IL18R1: variants seen among roughly 807,000 people sequenced by gnomAD.
IL18R1 encodes interleukin-18 receptor 1.
A neutral mutation model predicts 48.5 loss-of-function variants in IL18R1; 40 were observed. The observed-to-expected ratio is 0.82, with a 90% confidence interval of 0.64 to 1.07. IL18R1 has a LOEUF of 1.07. Ranked by LOEUF, IL18R1 falls within the 50% of genes least tolerant of loss-of-function variation. The probability of loss-of-function intolerance (pLI) is 0.00; values close to 1 mark genes in which losing one functional copy is unlikely to be tolerated. For missense variants in IL18R1, 596 were observed against 633.7 expected (o/e 0.94, Z 0.64); for synonymous variants, 232 against 225.9 (o/e 1.03, Z -0.24).
chr2:102,367,936 A>G lies in IL18R1; in HGVS notation c.170A>G (p.Tyr57Cys). Residue 57 changes from tyrosine to cysteine, a missense_variant, in exon 3 of 11, where the codon TAC becomes TGC. Around this residue, in one of 3 missense-constraint regions of IL18R1, gnomAD observed 360 missense variants for 339.4 expected, o/e 1.06. Coordinates refer to ENST00000233957, the MANE Select transcript of IL18R1 (RefSeq NM_003855.5). ...HEIETTTKSW[Y>C]KSSGSQEHVE... ...ATTGAAACAACCACCAAAAGCTGGT[A>G]CAAAAGCAGTGGATCACAGGAACAT... The G allele has an allele frequency of 1.2e-6, 2 of 1,614,258 alleles. No homozygotes were observed. Among genetic ancestry groups the G allele is most frequent in the Non-Finnish European group, 1.7e-6 (2 of 1,180,046 alleles).
intron 9 of IL18R1, among the ~76,000 whole-genome samples, chr2:102,393,333 T>A (rs1680649562): frequency 6.6e-6 from 1 of 152,250 alleles, no homozygotes; most frequent in Non-Finnish European, 1.5e-5. Context: ...TTGATATTTA[T>A]GTAAGCCTGA....
intron 1 of IL18R1, among the ~76,000 whole-genome samples, chr2:102,361,882 CAGATCTT>C (rs1034026726): frequency 5.3e-5 from 8 of 152,182 alleles, no homozygotes; most frequent in Non-Finnish European, 1.2e-4. Flanking sequence ...AAGTTCAATG[CAGATCTT>C]AGTTCCACTG....
At chr2:102,359,424 T>C (rs113106589) in intron 1 of IL18R1, among the ~76,000 whole-genome samples, 10 of 152,240 alleles carry the variant, frequency 6.6e-5, no homozygotes, top group African/African-American at 2.4e-4. Flanking sequence ...TACATCAATA[T>C]AAAATTTGTC....
chr2:102,363,544 C>A (rs746488417), intron 2 of IL18R1, among the ~76,000 whole-genome samples: 1 of 152,090 alleles, frequency 6.6e-6, no homozygotes, highest in Non-Finnish European at 1.5e-5. Context: ...ATGTAATGAT[C>A]TGTCAAACAA....
chr2:102,378,830 T>C (rs952740513), intron 5 of IL18R1, among the ~76,000 whole-genome samples: 1 of 152,232 alleles, frequency 6.6e-6, no homozygotes, highest in Non-Finnish European at 1.5e-5. Context: ...ATCCTGGCTA[T>C]TTTTCTTTGG....
chr2:102,377,470 A>T (rs912425100), intron 5 of IL18R1, among the ~76,000 whole-genome samples: 1 of 151,320 alleles, frequency 6.6e-6, no homozygotes, highest in Non-Finnish European at 1.5e-5. Context: ...ACCCGCCACC[A>T]CTCCCGGCTA....
At chr2:102,363,014 C>A in intron 2 of IL18R1, 8 of 212,808 alleles carry the variant, frequency 3.8e-5, no homozygotes, top group Non-Finnish European at 4.6e-5. Flanking sequence ...GAGAGGGAGG[C>A]AAAGATTCAT....
chr2:102,391,786 T>G (rs1435589501), intron 9 of IL18R1, among the ~76,000 whole-genome samples: 1 of 152,248 alleles, frequency 6.6e-6, no homozygotes, highest in African/African-American at 2.4e-5. Flanking sequence ...GACATTTTAA[T>G]TTGCATTTCC....
chr2:102,369,038 T>C (rs1162455626), intron 3 of IL18R1, among the ~76,000 whole-genome samples: 1 of 152,190 alleles, frequency 6.6e-6, no homozygotes. Flanking sequence ...AAAAATTAAA[T>C]AACTCTTTTG....
In IL18R1 at chr2:102,367,837, C is replaced by T; in HGVS notation, c.71C>T (p.Ser24Leu). Residue 24 changes from serine (S) to leucine (L), a missense_variant, in exon 3 of 11, where the codon TCA (serine) becomes TTA (leucine). Around this residue, in one of 3 missense-constraint regions of IL18R1, gnomAD observed 360 missense variants for 339.4 expected, o/e 1.06. Coordinates refer to ENST00000233957, the MANE Select transcript of IL18R1 (RefSeq NM_003855.5). ...TAATCTTTTGAAGAATCTTGTACTT[C>T]ACGTCCCCACATTACTGTGGTTGAA... ...ISVSTAESCT[S>L]RPHITVVEGE... 6.2e-7 allele frequency: 1 copy of T among 1,612,806 alleles called. No homozygotes were observed. Among genetic ancestry groups the T allele is most frequent in the Admixed American group, 1.7e-5 (1 of 59,966 alleles).
At chr2:102,383,722 T>C (rs1166025467) in intron 6 of IL18R1, among the ~76,000 whole-genome samples, 2 of 152,218 alleles carry the variant, frequency 1.3e-5, no homozygotes, top group African/African-American at 4.8e-5. Context: ...TGAAATATGG[T>C]CAGTATGGTG....
At chr2:102,378,849 A>C (rs1679749754) in intron 5 of IL18R1, among the ~76,000 whole-genome samples, 1 of 152,202 alleles carries the variant, frequency 6.6e-6, no homozygotes, top group African/African-American at 2.4e-5. Flanking sequence ...GGATTTGGCA[A>C]AGTTTGCCAC....
At chr2:102,367,558 C>T (rs1678978313) in intron 2 of IL18R1, among the ~76,000 whole-genome samples, 1 of 152,040 alleles carries the variant, frequency 6.6e-6, no homozygotes, top group African/African-American at 2.4e-5. Flanking sequence ...AGTCTTCTAG[C>T]TATGGTTGGT....
At chr2:102,380,514 TCCTG>T (rs1332587676) in intron 5 of IL18R1, among the ~76,000 whole-genome samples, 2 of 152,194 alleles carry the variant, frequency 1.3e-5, no homozygotes, top group African/African-American at 4.8e-5. Flanking sequence ...TCTCAGCTCC[TCCTG>T]CCTGTTTGCC....
Position 102,372,106 on chromosome 2 carries a change from A to G in IL18R1, c.456A>G (p.Thr152=), listed in dbSNP as rs1445697128. Residue 152 remains threonine, a synonymous_variant, in exon 4 of 11, where the codon ACA becomes ACG. Coordinates refer to ENST00000233957, the MANE Select transcript of IL18R1 (RefSeq NM_003855.5). The stretch of plus-strand genomic sequence containing the variant: ...ACTATCAAACACTGGTCAACAGCAC[A>G]TCATTGTATAAGGTAATGCTTTTAT... ...NSYYQTLVNS[T]SLYKNCKKLL... The G allele has an allele frequency of 8.1e-6, 13 of 1,595,688 alleles. No individual in the cohort carries two copies. The highest frequency in any genetic ancestry group is 1.1e-5 in the Non-Finnish European group (13 of 1,175,002).
In IL18R1 at chr2:102,386,918, A is replaced by C. The variant is rs1477583794; in HGVS notation, c.867A>C (p.Glu289Asp). 2 of 1,613,932 alleles carry C rather than the reference A, an allele frequency of 1.2e-6. No homozygotes were observed. The highest frequency in any genetic ancestry group is 2.7e-5 in the African/African-American group (2 of 74,930). ...SKVLRIENIG[E>D]SNLNVLYNCT... is the part of the protein sequence containing the mutation. ...TATTGAGAATTGAAAATATTGGTGAAAGCAATCTAAATGTTTTATATAATT... is the reference window on the plus strand; with the variant it reads ...TATTGAGAATTGAAAATATTGGTGACAGCAATCTAAATGTTTTATATAATT... The change falls in exon 8 of 11, where the codon GAA (glutamate) becomes GAC (aspartate). Residue 289 changes from glutamate (E) to aspartate (D), a missense_variant. By Grantham distance (45) the Glu-to-Asp change is conservative (BLOSUM62 2). Around this residue, in one of 3 missense-constraint regions of IL18R1, gnomAD observed 360 missense variants for 339.4 expected, o/e 1.06. Transcript: ENST00000233957.
chr2:102,381,306 G>T (rs1173265925), intron 5 of IL18R1, among the ~76,000 whole-genome samples: 1 of 152,240 alleles, frequency 6.6e-6, no homozygotes, highest in South Asian at 2.1e-4. Flanking sequence ...GGGCAGAAAG[G>T]CTCTTCCCAG....
intron 9 of IL18R1, among the ~76,000 whole-genome samples, chr2:102,392,088 T>C (rs1680589693): frequency 1.3e-5 from 2 of 152,212 alleles, no homozygotes; most frequent in East Asian, 3.8e-4. Context: ...GGTTTCTGGA[T>C]TTGGGATCAT....
chr2:102,389,677 T>C (rs1436800634), intron 8 of IL18R1, among the ~76,000 whole-genome samples: 1 of 152,160 alleles, frequency 6.6e-6, no homozygotes, highest in East Asian at 1.9e-4. Flanking sequence ...AATCCAGTGC[T>C]CTCTCTCTTC....
Sources: gnomAD v4.1 joint callset for allele counts (sites outside exome capture counted in the v4.1 genomes callset) on GRCh38, gnomAD v4.1.1 for gene constraint, gnomAD v4.1.1 regional missense constraint, MANE v1.5 for transcripts, NCBI Gene and HGNC (gene_info 2026-07-23, HGNC 2026-07-21) for gene names.